BMPR1B: variants seen among roughly 807,000 people sequenced by gnomAD.
BMPR1B encodes the protein bone morphogenetic protein receptor type 1B.
Under a neutral mutation model 59.1 loss-of-function variants are expected in BMPR1B, and 12 were observed. The observed-to-expected ratio is 0.20, with a 90% CI of 0.13 to 0.33. The LOEUF (loss-of-function observed/expected upper bound fraction) is 0.33, where lower values mean the gene tolerates loss of function less well. BMPR1B is among the 10% of genes least tolerant of loss of function. The pLI, the probability that BMPR1B is intolerant of heterozygous loss-of-function variation, is 1.00. For missense variants in BMPR1B, 550 were observed against 610.9 expected (o/e 0.90, Z 1.05); for synonymous variants, 237 against 207.3 (o/e 1.14, Z -1.23).
intron 2 of BMPR1B, among the ~76,000 whole-genome samples, chr4:94,986,460 A>C (rs1322840549): frequency 2.0e-5 from 3 of 152,198 alleles, no homozygotes; most frequent in African/African-American, 7.2e-5. Flanking sequence ...TTAAAGTCTA[A>C]TTTAATCAGG....
At chr4:95,152,895 C>T (rs1205779075) in intron 12 of BMPR1B, 122 bp downstream of exon 12, 2 of 1,222,916 alleles carry the variant, frequency 1.6e-6, no homozygotes, top group Non-Finnish European at 2.3e-6. Flanking sequence ...GTGATGGCGC[C>T]TCATTGCAGT....
At chr4:95,022,330 G>A (rs1294770495) in intron 3 of BMPR1B, among the ~76,000 whole-genome samples, 1 of 152,204 alleles carries the variant, frequency 6.6e-6, no homozygotes, top group African/African-American at 2.4e-5. Flanking sequence ...TGCTAGGTAA[G>A]TGTTCCAAAT....
At chr4:94,796,665 T>TTG (rs1297720828) in intron 1 of BMPR1B, among the ~76,000 whole-genome samples, 1 of 151,808 alleles carries the variant, frequency 6.6e-6, no homozygotes, top group Non-Finnish European at 1.5e-5. Context: ...ATGAGGTGTT[T>TTG]TGTGTGTGTG....
intron 3 of BMPR1B, among the ~76,000 whole-genome samples, chr4:95,024,552 T>C (rs1724216061): frequency 2.6e-5 from 4 of 152,272 alleles, no homozygotes; most frequent in South Asian, 4.2e-4. Context: ...AAATACAACA[T>C]GAACGTGGAT....
chr4:94,997,287 G>A (rs1450712151), intron 3 of BMPR1B, among the ~76,000 whole-genome samples: 2 of 152,190 alleles, frequency 1.3e-5, no homozygotes, highest in Admixed American at 6.5e-5. Context: ...CTGCTGTAGA[G>A]CTGAAACTGG....
At chr4:94,934,057 A>AGTCTCTTTCTCTGTGCATATGT (rs1265694055) in intron 2 of BMPR1B, among the ~76,000 whole-genome samples, 2 of 152,114 alleles carry the variant, frequency 1.3e-5, no homozygotes, top group Non-Finnish European at 2.9e-5. Flanking sequence ...AATAACTGAT[A>AGTCTCTTTCTCTGTGCATATGT]GTCTCTTTCT....
intron 2 of BMPR1B, among the ~76,000 whole-genome samples, chr4:94,908,544 A>C (rs1049141273): frequency 6.6e-6 from 1 of 151,754 alleles, no homozygotes; most frequent in African/African-American, 2.4e-5. Flanking sequence ...CTTTTTCTAC[A>C]TCAATGATCT....
chr4:95,104,484 T>G lies in BMPR1B; in HGVS notation c.60T>G (p.Ser20Arg). The change falls in exon 4 of 13, where the codon AGT becomes AGG. Residue 20 changes from serine to arginine, a missense_variant. Around this residue, in one of 6 missense-constraint regions of BMPR1B, gnomAD observed 43 missense variants for 35.4 expected, o/e 1.22. Coordinates refer to ENST00000515059, the MANE Select transcript of BMPR1B (RefSeq NM_001203.3). ...NVGTKKEDGE[S>R]TAPTPRPKVL... ...GCACCAAGAAAGAGGATGGTGAGAGTACAGCCCCCACCCCCCGTCCAAAGG... is the reference window on the plus strand; with the variant it reads ...GCACCAAGAAAGAGGATGGTGAGAGGACAGCCCCCACCCCCCGTCCAAAGG... 1 of 1,613,240 alleles carries G rather than the reference T, an allele frequency of 6.2e-7. No individual in the cohort carries two copies. The highest frequency in any genetic ancestry group is 2.2e-5 in the East Asian group (1 of 44,800).
chr4:94,864,047 A>G (rs901535659), intron 1 of BMPR1B, among the ~76,000 whole-genome samples: 9 of 152,246 alleles, frequency 5.9e-5, no homozygotes, highest in African/African-American at 2.2e-4. Flanking sequence ...TTGTTCCTTT[A>G]TTATACATTT....
chr4:94,829,881 T>C (rs1724513332), intron 1 of BMPR1B, among the ~76,000 whole-genome samples: 1 of 152,212 alleles, frequency 6.6e-6, no homozygotes, highest in Non-Finnish European at 1.5e-5. Context: ...AACGCATTTC[T>C]AAATTTGGGA....
At chr4:95,004,368 C>T (rs1722670254) in intron 3 of BMPR1B, among the ~76,000 whole-genome samples, 1 of 151,976 alleles carries the variant, frequency 6.6e-6, no homozygotes, top group Non-Finnish European at 1.5e-5. Flanking sequence ...GTTTTATAGC[C>T]CTGCCCTAGA....
At chr4:95,099,666 T>G (rs893598170) in intron 3 of BMPR1B, among the ~76,000 whole-genome samples, 1 of 152,208 alleles carries the variant, frequency 6.6e-6, no homozygotes, top group East Asian at 1.9e-4. Flanking sequence ...GAAAGAGATT[T>G]ATTTATTATT....
intron 2 of BMPR1B, among the ~76,000 whole-genome samples, chr4:94,985,701 C>T (rs1721364118): frequency 6.6e-6 from 1 of 151,890 alleles, no homozygotes; most frequent in South Asian, 2.1e-4. Flanking sequence ...TAGTAAGGGC[C>T]CAAGATTTAA....
chr4:94,886,412 G>A (rs1307161908), intron 2 of BMPR1B, among the ~76,000 whole-genome samples: 1 of 152,158 alleles, frequency 6.6e-6, no homozygotes, highest in Admixed American at 6.5e-5. Context: ...GTTAATGATT[G>A]ACCAAGCAGG....
At chr4:95,024,695 C>CA (rs1188479353) in intron 3 of BMPR1B, among the ~76,000 whole-genome samples, 2 of 151,972 alleles carry the variant, frequency 1.3e-5, no homozygotes, top group Non-Finnish European at 2.9e-5. Flanking sequence ...ACAATAAATA[C>CA]AAAAACAAAG....
intron 3 of BMPR1B, among the ~76,000 whole-genome samples, chr4:95,057,652 T>G (rs1193283488): frequency 6.6e-6 from 1 of 152,064 alleles, no homozygotes; most frequent in African/African-American, 2.4e-5. Context: ...AAACTGCACC[T>G]GCTCACAGTG....
At chr4:95,145,467 C>G (rs1459627578) in intron 10 of BMPR1B, among the ~76,000 whole-genome samples, 2 of 152,232 alleles carry the variant, frequency 1.3e-5, no homozygotes, top group African/African-American at 4.8e-5. Context: ...AACTTTCCGT[C>G]TGTTGTACTG....
At chr4:94,794,877 G>T (rs1180147191) in intron 1 of BMPR1B, among the ~76,000 whole-genome samples, 7 of 145,380 alleles carry the variant, frequency 4.8e-5, no homozygotes, top group Non-Finnish European at 9.1e-5. Context: ...TTTGTATCCT[G>T]AGACTTTGCT....
intron 2 of BMPR1B, among the ~76,000 whole-genome samples, chr4:94,884,542 T>C (rs60617526): frequency 0.014 from 2,069 of 152,050 alleles, 37 homozygotes; most frequent in African/African-American, 0.043. Flanking sequence ...AACAAAAAGC[T>C]GACCTCAAGT....
Sources: allele counts gnomAD v4.1 joint callset (sites outside exome capture counted in the v4.1 genomes callset), GRCh38; gene constraint gnomAD v4.1.1; regional missense constraint gnomAD v4.1.1; transcripts MANE v1.5; gene names NCBI Gene and HGNC (gene_info 2026-07-23, HGNC 2026-07-21).